Variants in USP32 observed in about 807,000 individuals in gnomAD.
The protein encoded by USP32 is ubiquitin carboxyl-terminal hydrolase 32.
Under a neutral mutation model 204.8 loss-of-function variants are expected in USP32, and 59 were observed. The observed-to-expected ratio is 0.29, with a 90% CI of 0.23 to 0.36. The LOEUF (loss-of-function observed/expected upper bound fraction) is 0.36, where lower values mean the gene tolerates loss of function less well. USP32 is among the 10% of genes least tolerant of loss of function. The probability of loss-of-function intolerance (pLI) is 1.00; values close to 1 mark genes in which losing one functional copy is unlikely to be tolerated. For synonymous variants in USP32, 517 were observed against 678.4 expected (o/e 0.76, Z 3.70); for missense variants, 1,160 against 1,946.4 (o/e 0.60, Z 7.60).
intron 1 of USP32, among the ~76,000 whole-genome samples, chr17:60,420,209 G>C (rs568618093): frequency 2.6e-4 from 39 of 151,726 alleles, no homozygotes; most frequent in Non-Finnish European, 5.0e-4. Context: ...GGCCAGGCTG[G>C]TCTCAAACTC....
chr17:60,243,332 A>T lies in USP32; in HGVS notation c.1137-7092T>A, dbSNP rs75591719. Among the ~76,000 whole-genome samples, 168 of 152,256 alleles carry T rather than the reference A, an allele frequency of 1.1e-3. 1 individual carries two copies. Among genetic ancestry groups the T allele is most frequent in the African/African-American group, 3.1e-3 (128 of 41,554 alleles). ...TACAGACAGTTTTATTTTTCTTTAC[A>T]ATCTTGATGCCTTTTATTTCCTTTT... On this transcript the variant is annotated intron_variant, in intron 11 of 33. Transcript: ENST00000300896.
chr17:60,294,095 G>A (rs1478877440), intron 4 of USP32, among the ~76,000 whole-genome samples: 2 of 152,018 alleles, frequency 1.3e-5, no homozygotes, highest in South Asian at 2.1e-4. Context: ...TGGTAGAGTC[G>A]GGGTCTTGCT....
intron 1 of USP32, among the ~76,000 whole-genome samples, chr17:60,354,732 A>G (rs1337758406): frequency 6.6e-6 from 1 of 152,202 alleles, no homozygotes; most frequent in African/African-American, 2.4e-5. Context: ...CCAAATGTCC[A>G]TGAACAAATG....
chr17:60,270,752 G>A (rs2086704563), intron 6 of USP32, among the ~76,000 whole-genome samples: 1 of 151,502 alleles, frequency 6.6e-6, no homozygotes. Context: ...GAACCCAGGA[G>A]GCAGAGGTTG....
chr17:60,288,475 T>A, intron 5 of USP32, 48 bp downstream of exon 5: 1 of 1,546,702 alleles, frequency 6.5e-7, no homozygotes, highest in East Asian at 2.3e-5. Context: ...CAGCCAATTA[T>A]ATATATAAAA....
At chr17:60,336,702 C>T (rs1453603040) in intron 2 of USP32, among the ~76,000 whole-genome samples, 2 of 127,480 alleles carry the variant, frequency 1.6e-5, no homozygotes, top group Admixed American at 8.6e-5. Flanking sequence ...GGAGACAGAG[C>T]GAGACTCCAT....
intron 1 of USP32, among the ~76,000 whole-genome samples, chr17:60,404,394 G>A (rs2143032803): frequency 6.6e-6 from 1 of 152,300 alleles, no homozygotes; most frequent in South Asian, 2.1e-4. Context: ...GCACATGGAA[G>A]AGGTCCTGAG....
At chr17:60,262,257 T>C (rs1342939237) in intron 9 of USP32, among the ~76,000 whole-genome samples, 1 of 152,248 alleles carries the variant, frequency 6.6e-6, no homozygotes. Flanking sequence ...AATGGTGTCA[T>C]CTTGGCTCAC....
At chr17:60,379,562 A>G (rs1174087079) in intron 1 of USP32, among the ~76,000 whole-genome samples, 1 of 152,194 alleles carries the variant, frequency 6.6e-6, no homozygotes, top group Non-Finnish European at 1.5e-5. Context: ...GAGATGCGCA[A>G]AAGTCTTCTA....
At chr17:60,186,897 A>G (rs924465959) in intron 29 of USP32, among the ~76,000 whole-genome samples, 2 of 152,142 alleles carry the variant, frequency 1.3e-5, no homozygotes, top group Non-Finnish European at 2.9e-5. Context: ...CCTCTAATGT[A>G]TGGGAAGGTG....
intron 1 of USP32, among the ~76,000 whole-genome samples, chr17:60,419,985 G>A (rs1411463410): frequency 2.0e-5 from 3 of 149,014 alleles, no homozygotes; most frequent in Non-Finnish European, 3.0e-5. Context: ...TCAGCCTCCT[G>A]AGTAGCTGGG....
chr17:60,302,924 GT>G (rs1226584652), intron 2 of USP32, among the ~76,000 whole-genome samples: 1 of 152,150 alleles, frequency 6.6e-6, no homozygotes, highest in African/African-American at 2.4e-5. Flanking sequence ...ACAGTTCTTT[GT>G]TGAGTGCCTA....
intron 12 of USP32, among the ~76,000 whole-genome samples, chr17:60,228,168 G>A (rs546584776): frequency 6.6e-6 from 1 of 152,168 alleles, no homozygotes; most frequent in African/African-American, 2.4e-5. Flanking sequence ...GGAACTACAG[G>A]CACCTGCCAC....
At chr17:60,354,825 C>T (rs1383617781) in intron 1 of USP32, among the ~76,000 whole-genome samples, 3 of 152,124 alleles carry the variant, frequency 2.0e-5, no homozygotes, top group South Asian at 2.1e-4. Context: ...GCAGGCAGAT[C>T]GCTTAAGGTC....
At chr17:60,216,648 C>G (rs535058401) in intron 16 of USP32, among the ~76,000 whole-genome samples, 212 of 152,318 alleles carry the variant, frequency 1.4e-3, no homozygotes, top group African/African-American at 4.7e-3. Context: ...TGTAGAAAAG[C>G]CTACATTTAA....
chr17:60,264,881 A>AAAAAG (rs1555604168), intron 9 of USP32, among the ~76,000 whole-genome samples: 40 of 141,708 alleles, frequency 2.8e-4, no homozygotes, highest in African/African-American at 1.1e-3. Context: ...AAAAAAAAAA[A>AAAAAG]AGAGAGAGAG....
At chr17:60,276,399 A>G in intron 5 of USP32, among the ~76,000 whole-genome samples, 1 of 152,234 alleles carries the variant, frequency 6.6e-6, no homozygotes, top group East Asian at 1.9e-4. Flanking sequence ...AGATTCCTAA[A>G]TAAGATGTCT....
At chr17:60,223,663 G>T in intron 13 of USP32, 77 bp from the exon 14 acceptor site, 1 of 1,246,518 alleles carries the variant, frequency 8.0e-7, no homozygotes, top group Non-Finnish European at 1.1e-6. Context: ...TGAACTCAAT[G>T]CCCATGTATT....
At chr17:60,307,151 G>A (rs1343375842) in intron 2 of USP32, among the ~76,000 whole-genome samples, 1 of 150,876 alleles carries the variant, frequency 6.6e-6, no homozygotes, top group African/African-American at 2.4e-5. Context: ...CCAGGCTGGA[G>A]TGCAGTGGCT....
Sources: gnomAD v4.1 joint callset for allele counts (sites outside exome capture counted in the v4.1 genomes callset) on GRCh38, gnomAD v4.1.1 for gene constraint, MANE v1.5 for transcripts, NCBI Gene and HGNC (gene_info 2026-07-23, HGNC 2026-07-21) for gene names.